The following RANBP17 variants were observed in gnomAD, a reference collection of about 807,000 sequenced individuals.
The protein encoded by RANBP17 is ran-binding protein 17.
Under a neutral mutation model 141.2 loss-of-function variants are expected in RANBP17, and 158 were observed. The observed-to-expected ratio is 1.12, with a 90% confidence interval of 0.98 to 1.28. RANBP17 has a LOEUF of 1.28. RANBP17 is among the 50% of genes most tolerant of loss of function. The pLI, the probability that RANBP17 is intolerant of heterozygous loss-of-function variation, is 0.00. For synonymous variants in RANBP17, 430 were observed against 450.0 expected, an observed-to-expected ratio of 0.96 and a Z score of 0.56; for missense variants, 1,438 against 1,290.7, an observed-to-expected ratio of 1.11 and a Z score of -1.75.
rs1184155417 is a variant in RANBP17 at position 170,955,562 on chromosome 5, TA to T, written c.1574+1861del. 1.5e-4 allele frequency among the ~76,000 whole-genome samples: 16 copies of T among 106,472 alleles called. 1 individual carries two copies. Among genetic ancestry groups the T allele is most frequent in the African/African-American group, 5.0e-4 (15 of 29,756 alleles). 69.8% of individuals were successfully genotyped at this position (106,472 alleles called of 152,430 possible). ...TATATATGCTCAGTCTGTGTATATA[TA>T]TATATGCTCAGTCTGTGTGTATATA... is the stretch of plus-strand genomic sequence containing the variant. On this transcript the variant is annotated intron_variant, in intron 13 of 27. Transcript: ENST00000523189.
At chr5:171,138,826 C>T (rs756938682) in intron 14 of RANBP17, among the ~76,000 whole-genome samples, 2 of 152,156 alleles carry the variant, frequency 1.3e-5, no homozygotes, top group Non-Finnish European at 2.9e-5. Context: ...AATCCCAACA[C>T]TTCGGAAGGC....
At chr5:171,228,364 G>A (rs1420713339) in intron 22 of RANBP17, among the ~76,000 whole-genome samples, 1 of 152,214 alleles carries the variant, frequency 6.6e-6, no homozygotes, top group Non-Finnish European at 1.5e-5. Flanking sequence ...GAAACAGCAA[G>A]AGACCTATAA....
intron 14 of RANBP17, among the ~76,000 whole-genome samples, chr5:171,006,016 C>T (rs1779575276): frequency 6.6e-6 from 1 of 152,124 alleles, no homozygotes; most frequent in African/African-American, 2.4e-5. Context: ...CACTGGCCAT[C>T]AGAGAAATGC....
intron 3 of RANBP17, among the ~76,000 whole-genome samples, chr5:170,891,338 C>G (rs1047139488): frequency 4.6e-5 from 7 of 152,054 alleles, no homozygotes; most frequent in Admixed American, 2.6e-4. Context: ...AGAAGGGTTG[C>G]AGCTTGTGAG....
At chr5:171,220,733 C>T (rs1763507078) in intron 21 of RANBP17, among the ~76,000 whole-genome samples, 1 of 152,088 alleles carries the variant, frequency 6.6e-6, no homozygotes, top group South Asian at 2.1e-4. Flanking sequence ...CAAACATGAG[C>T]CACCGCGCCT....
At chr5:171,066,635 G>A (rs578019337) in intron 14 of RANBP17, among the ~76,000 whole-genome samples, 4 of 152,322 alleles carry the variant, frequency 2.6e-5, no homozygotes, top group East Asian at 1.9e-4. Flanking sequence ...GAACGTGGGA[G>A]TGGAGATATT....
chr5:171,142,478 C>A (rs1404132296), intron 14 of RANBP17, among the ~76,000 whole-genome samples: 1 of 152,110 alleles, frequency 6.6e-6, no homozygotes, highest in Non-Finnish European at 1.5e-5. Flanking sequence ...TCTGCCCTAT[C>A]CTTTATAGAT....
At chr5:171,146,269 G>T (rs144175512) in intron 14 of RANBP17, among the ~76,000 whole-genome samples, 32 of 152,278 alleles carry the variant, frequency 2.1e-4, no homozygotes, top group African/African-American at 7.7e-4. Context: ...AAGTGGATAA[G>T]GCTTTCTTTG....
chr5:170,875,868 C>T (rs1334086204), intron 1 of RANBP17, among the ~76,000 whole-genome samples: 1 of 152,212 alleles, frequency 6.6e-6, no homozygotes, highest in African/African-American at 2.4e-5. Flanking sequence ...GATTCTTTCT[C>T]ATCTTCATGA....
intron 14 of RANBP17, among the ~76,000 whole-genome samples, chr5:170,972,464 G>A (rs930424298): frequency 5.9e-5 from 9 of 152,068 alleles, no homozygotes; most frequent in Non-Finnish European, 1.2e-4. Flanking sequence ...AATTACAGGC[G>A]TGAGCCACCA....
intron 12 of RANBP17, among the ~76,000 whole-genome samples, chr5:170,928,114 G>A: frequency 6.6e-6 from 1 of 152,050 alleles, no homozygotes; most frequent in East Asian, 1.9e-4. Context: ...GATTAATGAT[G>A]TTAAGCATCT....
At chr5:170,964,207 G>A (rs1038993401) in intron 13 of RANBP17, among the ~76,000 whole-genome samples, 5 of 152,088 alleles carry the variant, frequency 3.3e-5, no homozygotes, top group South Asian at 4.1e-4. Flanking sequence ...TATGCTGTTC[G>A]AGTGAGTAGC....
chr5:171,008,036 C>T (rs1365600558), intron 14 of RANBP17, among the ~76,000 whole-genome samples: 1 of 152,130 alleles, frequency 6.6e-6, no homozygotes, highest in Non-Finnish European at 1.5e-5. Flanking sequence ...GGCAGGAGTC[C>T]CTGTGGTGAT....
intron 16 of RANBP17, among the ~76,000 whole-genome samples, chr5:171,178,899 TCCTTGTAGATTCTGGATATTAGC>T (rs1213942364): frequency 7.2e-5 from 11 of 152,218 alleles, no homozygotes; most frequent in African/African-American, 2.7e-4. Context: ...TTGTTTAAGT[TCCTTGTAGATTCTGGATATTAGC>T]CCTTCATCAG....
chr5:170,890,901 ACT>A (rs1352095496), intron 3 of RANBP17, among the ~76,000 whole-genome samples: 2 of 152,042 alleles, frequency 1.3e-5, no homozygotes, highest in Non-Finnish European at 2.9e-5. Flanking sequence ...ACGGGATCTC[ACT>A]CTGTCACCCA....
intron 14 of RANBP17, among the ~76,000 whole-genome samples, chr5:171,009,084 G>A (rs1484813362): frequency 6.8e-6 from 1 of 147,628 alleles, no homozygotes; most frequent in Non-Finnish European, 1.5e-5. Flanking sequence ...GAGGAAGACA[G>A]AGTCAAGAGA....
chr5:170,892,369 G>C lies in RANBP17; in HGVS notation c.257-18G>C, dbSNP rs201552923. On this transcript the variant is annotated intron_variant, in intron 3 of 27. Transcript: ENST00000523189. Reference sequence around the variant, plus strand: ...TTTCTGAAAAGTCCAGATGACCCATGGAGTGTTTTCTTTGTAGGAAACTAC... The same window carrying C: ...TTTCTGAAAAGTCCAGATGACCCATCGAGTGTTTTCTTTGTAGGAAACTAC... 19 of 1,445,626 alleles carry C rather than the reference G, an allele frequency of 1.3e-5. No individual in the cohort carries two copies. The East Asian group carries it at 5.6e-4, about 43-fold the overall frequency. The allele number at this position is 1,445,626 out of a possible 1,614,324, so 89.5% of individuals were successfully genotyped here.
intron 14 of RANBP17, among the ~76,000 whole-genome samples, chr5:171,082,455 A>G (rs780117916): frequency 1.2e-4 from 18 of 152,152 alleles, no homozygotes; most frequent in South Asian, 2.1e-4. Flanking sequence ...TCCTTAGGCA[A>G]TCTCAGTGTG....
chr5:171,226,921 G>A (rs1215986451), intron 22 of RANBP17, among the ~76,000 whole-genome samples: 1 of 152,176 alleles, frequency 6.6e-6, no homozygotes, highest in Non-Finnish European at 1.5e-5. Context: ...CCTGCATGGA[G>A]CAAGTATATC....
Sources: gnomAD v4.1 joint callset for allele counts (sites outside exome capture counted in the v4.1 genomes callset) on GRCh38, gnomAD v4.1.1 for gene constraint, MANE v1.5 for transcripts, NCBI Gene and HGNC (gene_info 2026-07-23, HGNC 2026-07-21) for gene names.